Variants in DNAI7 observed in about 807,000 individuals in gnomAD.
The protein encoded by DNAI7 is dynein axonemal intermediate chain 7.
Under a neutral mutation model 86.6 loss-of-function variants are expected in DNAI7, and 78 were observed. The ratio of observed to expected loss-of-function variants is 0.90; its 90% CI spans 0.75 to 1.09. The LOEUF (loss-of-function observed/expected upper bound fraction) is 1.09, where lower values mean the gene tolerates loss of function less well. Among genes scored for constraint, DNAI7 ranks in the 50% least tolerant of loss-of-function variants. DNAI7 has a pLI of 0.00. For synonymous variants in DNAI7, 274 were observed against 273.0 expected, an observed-to-expected ratio of 1.00 and a Z score of -0.04; for missense variants, 753 against 810.2, an observed-to-expected ratio of 0.93 and a Z score of 0.86.
chr12:25,165,517 G>A (rs1017806704), intron 2 of DNAI7, among the ~76,000 whole-genome samples: 3 of 152,192 alleles, frequency 2.0e-5, no homozygotes, highest in Non-Finnish European at 4.4e-5. Context: ...ACTGAAAATT[G>A]GACTGTTCAA....
chr12:25,164,256 TACC>T (rs1452200738), intron 2 of DNAI7, among the ~76,000 whole-genome samples: 1 of 151,336 alleles, frequency 6.6e-6, no homozygotes, highest in African/African-American at 2.4e-5. Context: ...TAGCAGCAAG[TACC>T]ACTTTTCTAG....
intron 10 of DNAI7, 29 bp downstream of exon 10, chr12:25,123,176 ATAAAGT>A (rs1941585157): frequency 2.2e-6 from 3 of 1,356,278 alleles, no homozygotes; most frequent in South Asian, 1.3e-5. Flanking sequence ...GAAAATCTCA[ATAAAGT>A]TAAATTCTTA....
chr12:25,115,047 A>C (rs1939791985), intron 12 of DNAI7, among the ~76,000 whole-genome samples, 177 bp from the exon 13 acceptor site: 1 of 152,206 alleles, frequency 6.6e-6, no homozygotes, highest in African/African-American at 2.4e-5. Flanking sequence ...ATCAAGTCCC[A>C]CCTCCTCAGC....
chr12:25,112,475 T>C (rs138327616), intron 13 of DNAI7, among the ~76,000 whole-genome samples: 15,732 of 146,946 alleles, frequency 0.11, 1,185 homozygotes, highest in Non-Finnish European at 0.15. Flanking sequence ...GGTGTGATCT[T>C]GGCTCACTGC....
chr12:25,124,813 T>G (rs1941879869), intron 9 of DNAI7, among the ~76,000 whole-genome samples: 1 of 152,138 alleles, frequency 6.6e-6, no homozygotes, highest in South Asian at 2.1e-4. Flanking sequence ...TGCCATTCTC[T>G]TCTTTGTGTT....
intron 2 of DNAI7, among the ~76,000 whole-genome samples, chr12:25,166,103 A>C (rs1037679960): frequency 6.6e-6 from 1 of 151,720 alleles, no homozygotes; most frequent in Admixed American, 6.6e-5. Flanking sequence ...TCCCATTAAA[A>C]CCTAATCACT....
chr12:25,107,777 A>T (rs913206313), downstream of DNAI7: 5 of 1,592,674 alleles, frequency 3.1e-6, no homozygotes, highest in Non-Finnish European at 4.3e-6. Flanking sequence ...TCTAATGACA[A>T]ATTACCGATT....
intron 8 of DNAI7, among the ~76,000 whole-genome samples, chr12:25,146,386 C>T (rs1237428162): frequency 6.6e-6 from 1 of 151,970 alleles, no homozygotes; most frequent in African/African-American, 2.4e-5. Flanking sequence ...CACTTGAGGT[C>T]AGGAGTTTGA....
chr12:25,118,870 C>T (rs1940708465), intron 12 of DNAI7, among the ~76,000 whole-genome samples: 1 of 152,196 alleles, frequency 6.6e-6, no homozygotes, highest in Non-Finnish European at 1.5e-5. Context: ...CCCAGTGTTT[C>T]ACTCGTTTTT....
At chr12:25,111,656 T>C in intron 14 of DNAI7, 116 bp downstream of exon 14, 1 of 446,158 alleles carries the variant, frequency 2.2e-6, no homozygotes, top group Non-Finnish European at 3.3e-6. Flanking sequence ...TTCTTTATAA[T>C]ACTGTATAAA....
chr12:25,133,297 T>C (rs1055448141), intron 9 of DNAI7, among the ~76,000 whole-genome samples: 5 of 152,080 alleles, frequency 3.3e-5, no homozygotes, highest in African/African-American at 1.2e-4. Flanking sequence ...GATATTACAC[T>C]CCTATTTCTA....
chr12:25,164,964 T>C (rs1947290971), intron 2 of DNAI7, among the ~76,000 whole-genome samples: 1 of 152,128 alleles, frequency 6.6e-6, no homozygotes, highest in Non-Finnish European at 1.5e-5. Context: ...CTTAAAAAGG[T>C]GGCTGGAGCT....
rs185801160 is a variant in DNAI7 at position 25,108,815 on chromosome 12, T to C, written c.1902A>G (p.Glu634=). The C allele has an allele frequency of 1.8e-5, 6 of 328,968 alleles. No homozygotes were observed. The Admixed American group carries it at 2.8e-4, about 15-fold the overall frequency. The allele number at this position is 328,968 out of a possible 1,614,324, so 20.4% of individuals were successfully genotyped here. A position where few individuals can be genotyped will look rare whatever the true frequency, so the allele number is the denominator to read the frequency against. ...NSTKVVFKVR[E]HLTEACTENP... ...TCTCAGTACATGCTTCAGTAAGGTG[T>C]TCCCTCACCTAAAAAAAAAAAAAAT... The change falls in exon 16 of 16, where the codon GAA becomes GAG. Residue 634 remains glutamate, a synonymous_variant. Transcript: ENST00000395987.
intron 2 of DNAI7, among the ~76,000 whole-genome samples, chr12:25,182,638 A>ACACACACACAC (rs1555184974): frequency 6.0e-5 from 9 of 150,688 alleles, no homozygotes; most frequent in South Asian, 4.2e-4. Flanking sequence ...ACACACACAC[A>ACACACACACAC]AGCCAGATGT....
chr12:25,121,674 AGAT>A (rs1941315689), intron 11 of DNAI7, 76 bp downstream of exon 11: 1 of 1,149,388 alleles, frequency 8.7e-7, no homozygotes, highest in African/African-American at 1.6e-5. Context: ...AAAGCTTATT[AGAT>A]GTTAGATAAT....
At chr12:25,187,610 A>T (rs1214331235) in intron 2 of DNAI7, among the ~76,000 whole-genome samples, 1 of 152,184 alleles carries the variant, frequency 6.6e-6, no homozygotes, top group Non-Finnish European at 1.5e-5. Context: ...AAGGATCTTC[A>T]TTCCTGCCTT....
At chr12:25,132,665 G>A (rs1003874988) in intron 9 of DNAI7, among the ~76,000 whole-genome samples, 1 of 150,198 alleles carries the variant, frequency 6.7e-6, no homozygotes, top group African/African-American at 2.5e-5. Context: ...ACCAAATAAG[G>A]ACTGTACAGA....
chr12:25,113,088 C>G (rs1038098530), intron 13 of DNAI7, among the ~76,000 whole-genome samples: 2 of 152,106 alleles, frequency 1.3e-5, no homozygotes, highest in Non-Finnish European at 2.9e-5. Flanking sequence ...TGCAGGGAAG[C>G]CTGAAAGGAG....
rs778468701 is a variant in DNAI7 at position 25,146,991 on chromosome 12, AC to A, written c.689+9del. ...TCCACCTACAGGGAAAGTATTGCCC[AC>A]AAGGGTACCTTGGATTCTTCTTGAG... On this transcript the variant is annotated intron_variant, in intron 8 of 15. Coordinates refer to ENST00000395987, the MANE Select transcript of DNAI7 (RefSeq NM_018272.5). 6.9e-7 allele frequency: 1 copy of A among 1,442,292 alleles called. No individual in the cohort carries two copies. The highest frequency in any genetic ancestry group is 9.8e-7 in the Non-Finnish European group (1 of 1,024,972). The allele number at this position is 1,442,292 out of a possible 1,614,324, so 89.3% of individuals were successfully genotyped here.
Sources: gnomAD v4.1 joint callset for allele counts (sites outside exome capture counted in the v4.1 genomes callset) on GRCh38, gnomAD v4.1.1 for gene constraint, MANE v1.5 for transcripts, NCBI Gene and HGNC (gene_info 2026-07-23, HGNC 2026-07-21) for gene names.